Variants in ST18 observed in about 807,000 individuals in gnomAD.
ST18 encodes suppression of tumorigenicity 18 protein.
Under a neutral mutation model 110.0 loss-of-function variants are expected in ST18, and 50 were observed. The observed-to-expected ratio is 0.45, with a 90% CI of 0.36 to 0.58. The LOEUF (loss-of-function observed/expected upper bound fraction) is 0.58. ST18 is among the 20% of genes least tolerant of loss of function. ST18 has a pLI of 0.00. For synonymous variants in ST18, 461 were observed against 452.4 expected (o/e 1.02, Z -0.24); for missense variants, 1,306 against 1,280.1 (o/e 1.02, Z -0.31).
chr8:52,227,502 A>G (rs544523688), intron 3 of ST18, among the ~76,000 whole-genome samples: 38 of 152,280 alleles, frequency 2.5e-4, no homozygotes, highest in Non-Finnish European at 4.6e-4. Context: ...AGAATAAAGC[A>G]ATGTCCCCAA....
chr8:52,267,663 T>C (rs972193823), intron 2 of ST18, among the ~76,000 whole-genome samples: 2 of 152,190 alleles, frequency 1.3e-5, no homozygotes, highest in African/African-American at 4.8e-5. Context: ...ATAATTATTA[T>C]GCAACCTGTA....
At chr8:52,277,432 C>T (rs995068163) in intron 2 of ST18, among the ~76,000 whole-genome samples, 1 of 152,164 alleles carries the variant, frequency 6.6e-6, no homozygotes, top group African/African-American at 2.4e-5. Context: ...GAATGTAGTA[C>T]TTTTCTCCAC....
intron 2 of ST18, among the ~76,000 whole-genome samples, chr8:52,400,229 G>T (rs4873639): frequency 6.6e-6 from 1 of 151,786 alleles, no homozygotes; most frequent in South Asian, 2.1e-4. Flanking sequence ...AGCCATCTCT[G>T]CTCTTTCAGT....
chr8:52,246,077 A>G (rs1267201025), intron 2 of ST18, among the ~76,000 whole-genome samples: 4 of 152,292 alleles, frequency 2.6e-5, no homozygotes, highest in African/African-American at 9.6e-5. Flanking sequence ...GTAACATTTG[A>G]CAACACTATA....
chr8:52,151,653 G>A (rs747545084), intron 15 of ST18, among the ~76,000 whole-genome samples: 24 of 152,090 alleles, frequency 1.6e-4, no homozygotes, highest in East Asian at 3.9e-4. Context: ...TGCCAGGAGC[G>A]CATCAAAACA....
At chr8:52,267,692 C>A (rs932125258) in intron 2 of ST18, among the ~76,000 whole-genome samples, 1 of 152,144 alleles carries the variant, frequency 6.6e-6, no homozygotes, top group Admixed American at 6.5e-5. Context: ...AAGTGTTATA[C>A]GTTTCCTTTG....
Position 52,126,333 on chromosome 8 carries a change from T to C in ST18, c.2667-193A>G, listed in dbSNP as rs115728440. ...CCAAAGGCCCTCAAATAATGTAAAA[T>C]GTTTTGCTTTCTTTCCTTAAATCAA... On this transcript the variant is annotated intron_variant, in intron 22 of 25. Coordinates refer to ENST00000689386, the MANE Select transcript of ST18 (RefSeq NM_001352837.2). 2.4e-3 allele frequency among the ~76,000 whole-genome samples: 361 copies of C among 152,344 alleles called. 1 individual carries two copies. Among genetic ancestry groups the C allele is most frequent in the African/African-American group, 8.2e-3 (339 of 41,582 alleles).
intron 8 of ST18, among the ~76,000 whole-genome samples, chr8:52,191,169 G>A (rs1339101449): frequency 6.6e-6 from 1 of 152,216 alleles, no homozygotes; most frequent in Non-Finnish European, 1.5e-5. Context: ...AAAGCCAATG[G>A]TTTGTTTAGA....
At chr8:52,209,776 A>ATATATATATAT (rs1196733238) in intron 8 of ST18, among the ~76,000 whole-genome samples, 4 of 131,108 alleles carry the variant, frequency 3.1e-5, no homozygotes, top group African/African-American at 9.1e-5. Flanking sequence ...ATCTCAAAAA[A>ATATATATATAT]AAAAAAAAAA....
chr8:52,155,125 C>T (rs2059716296), intron 15 of ST18, among the ~76,000 whole-genome samples: 1 of 151,556 alleles, frequency 6.6e-6, no homozygotes, highest in Admixed American at 6.6e-5. Context: ...TCACTTGAAC[C>T]CAGAAAGCAG....
intron 2 of ST18, chr8:52,246,506 T>G (rs1243696470): frequency 6.6e-6 from 1 of 152,150 alleles, no homozygotes; most frequent in Admixed American, 6.6e-5. Flanking sequence ...ATGCTTTTGA[T>G]AGCTACTAAT....
At chr8:52,250,412 T>C (rs1396271171) in intron 2 of ST18, among the ~76,000 whole-genome samples, 2 of 114,222 alleles carry the variant, frequency 1.8e-5, no homozygotes, top group Non-Finnish European at 3.2e-5. Flanking sequence ...CTACTATCAG[T>C]CAGCAGCTGA....
intron 2 of ST18, among the ~76,000 whole-genome samples, chr8:52,386,981 A>G (rs900951775): frequency 2.0e-5 from 3 of 152,254 alleles, no homozygotes; most frequent in Non-Finnish European, 4.4e-5. Flanking sequence ...GCACTTTGCA[A>G]AACACATTCA....
chr8:52,381,967 T>TAAAAA lies in ST18; in HGVS notation c.-465+27356_-465+27360dup, dbSNP rs33953466. 2.6e-3 allele frequency among the ~76,000 whole-genome samples: 121 copies of TAAAAA among 47,286 alleles called. 1 individual carries two copies. Among genetic ancestry groups the TAAAAA allele is most frequent in the African/African-American group, 3.6e-3 (106 of 29,650 alleles). 31.0% of individuals were successfully genotyped at this position (47,286 alleles called of 152,430 possible). Reference sequence around the variant, plus strand: ...AAGCTTCAAGAGCTATATGCTGCATTAAAAAACAAAAAAAAACAAAAAAAC... The same window carrying TAAAAA: ...AAGCTTCAAGAGCTATATGCTGCATTAAAAAAAAAAACAAAAAAAAACAAAAAAAC... On this transcript the variant is annotated intron_variant, in intron 2 of 25. Coordinates refer to ENST00000689386, the MANE Select transcript of ST18 (RefSeq NM_001352837.2).
intron 2 of ST18, among the ~76,000 whole-genome samples, chr8:52,260,917 G>A (rs992264078): frequency 6.6e-6 from 1 of 152,208 alleles, no homozygotes; most frequent in East Asian, 1.9e-4. Flanking sequence ...ATTCTCTGCA[G>A]CTTCCACAAT....
At chr8:52,182,160 T>C (rs1039206077) in intron 8 of ST18, among the ~76,000 whole-genome samples, 1 of 152,198 alleles carries the variant, frequency 6.6e-6, no homozygotes, top group African/African-American at 2.4e-5. Context: ...AAGTGGATTC[T>C]AAAAATCATA....
At chr8:52,249,274 G>A (rs899658551) in intron 2 of ST18, 2 of 152,248 alleles carry the variant, frequency 1.3e-5, no homozygotes, top group African/African-American at 4.8e-5. Flanking sequence ...TGACCTACTT[G>A]TGGAGAAACG....
chr8:52,287,588 C>A (rs372593580), intron 2 of ST18, among the ~76,000 whole-genome samples: 1 of 152,044 alleles, frequency 6.6e-6, no homozygotes. Context: ...GGGGAGATAC[C>A]GGTTGCCATG....
At chr8:52,229,197 T>C (rs2090550188) in intron 3 of ST18, among the ~76,000 whole-genome samples, 1 of 152,240 alleles carries the variant, frequency 6.6e-6, no homozygotes, top group Non-Finnish European at 1.5e-5. Context: ...TTGGTGGGCT[T>C]ATTCTATGTA....
Sources: gnomAD v4.1 joint callset for allele counts (sites outside exome capture counted in the v4.1 genomes callset) on GRCh38, gnomAD v4.1.1 for gene constraint, MANE v1.5 for transcripts, NCBI Gene and HGNC (gene_info 2026-07-23, HGNC 2026-07-21) for gene names.